Variants in NIT2 observed in about 807,000 individuals in gnomAD.
The protein encoded by NIT2 is nitrilase family member 2, also known as omega-amidase NIT2.
In NIT2, 46 loss-of-function variants were observed where a neutral mutation model predicts 42.7. That is an observed-to-expected ratio of 1.08 (90% CI 0.85 to 1.38). NIT2 has a LOEUF of 1.38. Among genes scored for constraint, NIT2 ranks in the 40% most tolerant of loss-of-function variants. NIT2 has a pLI of 0.00. For missense variants in NIT2, 309 were observed against 342.5 expected (o/e 0.90, Z 0.77); for synonymous variants, 123 against 121.9 (o/e 1.01, Z -0.06).
intron 3 of NIT2, among the ~76,000 whole-genome samples, chr3:100,340,355 C>G (rs1360229888): frequency 2.6e-5 from 4 of 152,102 alleles, no homozygotes; most frequent in Non-Finnish European, 5.9e-5. Flanking sequence ...TGTGAGCCAT[C>G]ATGCCAGGAC....
At chr3:100,354,676 T>A in intron 8 of NIT2, 96 bp from the exon 9 acceptor site, 1 of 814,468 alleles carries the variant, frequency 1.2e-6, no homozygotes. Context: ...TCTCATACTT[T>A]CCCCTTTGGC....
Position 100,343,934 on chromosome 3 carries a change from G to T in NIT2, c.337-1651G>T, listed in dbSNP as rs149608871. The stretch of plus-strand genomic sequence containing the variant: ...TCTTCCAAAAAGTGTTGAATATTTT[G>T]TTTTAACTGATGGTTAACTTGGCCG... On this transcript the variant is annotated intron_variant, in intron 4 of 9. Transcript: ENST00000394140. 9.2e-5 allele frequency among the ~76,000 whole-genome samples: 14 copies of T among 152,300 alleles called. No individual in the cohort carries two copies. The East Asian group carries it at 2.7e-3, about 29-fold the overall frequency.
intron 3 of NIT2, among the ~76,000 whole-genome samples, chr3:100,340,323 T>C (rs1706134758): frequency 6.6e-6 from 1 of 152,084 alleles, no homozygotes; most frequent in Admixed American, 6.6e-5. Context: ...ACCTTGGCCT[T>C]CCAAAGTGCT....
chr3:100,345,784 G>A, intron 5 of NIT2, 106 bp downstream of exon 5: 1 of 721,286 alleles, frequency 1.4e-6, no homozygotes, highest in Non-Finnish European at 2.4e-6. Context: ...CTAACTGAAA[G>A]ACCATAAGTG....
At chr3:100,340,713 T>C (rs1706140123) in intron 3 of NIT2, among the ~76,000 whole-genome samples, 1 of 152,240 alleles carries the variant, frequency 6.6e-6, no homozygotes, top group African/African-American at 2.4e-5. Context: ...CATTTTGCCC[T>C]AATGTTACAG....
chr3:100,354,931 C>A, intron 9 of NIT2, 104 bp downstream of exon 9: 1 of 964,204 alleles, frequency 1.0e-6, no homozygotes, highest in Non-Finnish European at 1.6e-6. Context: ...TTCCTTTATG[C>A]CCCTTCTCAT....
At chr3:100,349,826 T>C (rs1706256167) in intron 7 of NIT2, 1 of 152,204 alleles carries the variant, frequency 6.6e-6, no homozygotes, top group African/African-American at 2.4e-5. Flanking sequence ...TGAGAGGTGG[T>C]GAAGGGCAAA....
chr3:100,345,208 C>G (rs1326844024), intron 4 of NIT2, among the ~76,000 whole-genome samples: 5 of 152,146 alleles, frequency 3.3e-5, no homozygotes, highest in Non-Finnish European at 2.9e-5. Flanking sequence ...ATCCGCCCAC[C>G]TCGGCCTCCC....
intron 1 of NIT2, among the ~76,000 whole-genome samples, chr3:100,335,542 A>T (rs750535667): frequency 5.1e-4 from 77 of 152,344 alleles, no homozygotes; most frequent in Non-Finnish European, 9.8e-4. Flanking sequence ...CAGCATGAGG[A>T]ACTGCCCAGT....
intron 7 of NIT2, among the ~76,000 whole-genome samples, chr3:100,351,611 A>T (rs1327678014): frequency 1.3e-5 from 2 of 152,238 alleles, no homozygotes; most frequent in Non-Finnish European, 2.9e-5. Flanking sequence ...TTAATTCAAG[A>T]TGGATTAAAG....
chr3:100,344,247 C>T (rs969804142), intron 4 of NIT2, among the ~76,000 whole-genome samples: 8 of 152,228 alleles, frequency 5.3e-5, no homozygotes, highest in Admixed American at 5.2e-4. Flanking sequence ...CTGTAAATAG[C>T]ACCAGGAAGT....
chr3:100,354,440 G>A (rs950615310), intron 8 of NIT2, among the ~76,000 whole-genome samples: 2 of 152,172 alleles, frequency 1.3e-5, no homozygotes, highest in African/African-American at 2.4e-5. Flanking sequence ...TCCTGTTGGT[G>A]GTAGGTAGCT....
At chr3:100,352,707 T>A (rs1706287369) in intron 8 of NIT2, among the ~76,000 whole-genome samples, 1 of 152,236 alleles carries the variant, frequency 6.6e-6, no homozygotes, top group African/African-American at 2.4e-5. Context: ...CCTGCTCTCA[T>A]GATCAAGCAC....
At chr3:100,343,751 C>T (rs1161223828) in intron 4 of NIT2, among the ~76,000 whole-genome samples, 5 of 152,064 alleles carry the variant, frequency 3.3e-5, no homozygotes, top group African/African-American at 1.2e-4. Context: ...AAGCAAACAA[C>T]AAGAAAAAAA....
Position 100,339,198 on chromosome 3 carries a change from C to A in NIT2, c.119C>A (p.Ser40Tyr), listed in dbSNP as rs1706116738. Residue 40 changes from serine (S) to tyrosine (Y), a missense_variant, in exon 2 of 10, where the codon TCT becomes TAT. Transcript: ENST00000394140. ...GCAACGCAAGGAGCCAAAATAGTTT[C>A]TTTGCCGGTCAGTATGGGAGCAGCC... ...EAATQGAKIV[S>Y]LPECFNSPYG... The A allele has an allele frequency of 2.5e-6, 4 of 1,605,428 alleles. No individual in the cohort carries two copies. Among genetic ancestry groups the A allele is most frequent in the South Asian group, 1.1e-5 (1 of 90,880 alleles).
intron 7 of NIT2, chr3:100,349,086 C>T: frequency 2.3e-6 from 1 of 444,034 alleles, no homozygotes; most frequent in Admixed American, 3.8e-5. Flanking sequence ...CAATACCAAC[C>T]TCATGGATTT....
In NIT2 at chr3:100,339,952, A is replaced by G. The variant is rs1259103070; in HGVS notation, c.247+17A>G. 1.9e-6 allele frequency: 3 copies of G among 1,608,412 alleles called. No homozygotes were observed. Among genetic ancestry groups the G allele is most frequent in the South Asian group, 1.1e-5 (1 of 89,846 alleles). On this transcript the variant is annotated intron_variant, in intron 3 of 9. Transcript: ENST00000394140. ...TCATTGGAGGTAACTTCCTACCCACAAGGTATAATGACCTAAACATTAGAA... is the reference window on the plus strand; with the variant it reads ...TCATTGGAGGTAACTTCCTACCCACGAGGTATAATGACCTAAACATTAGAA...
At position 100,357,988 on chromosome 3, in the gene NIT2, G is replaced by C. The variant is rs1243865571; in HGVS notation, c.*2720G>C. The C allele has an allele frequency of 6.6e-6, 1 of 152,104 alleles. No individual in the cohort carries two copies. The highest frequency in any genetic ancestry group is 1.9e-4 in the East Asian group (1 of 5,158). 9.4% of individuals were successfully genotyped at this position (152,104 alleles called of 1,614,324 possible). On this transcript the variant is annotated 3_prime_UTR_variant, in exon 10 of 10. Transcript: ENST00000394140. ...AAATGGGGTTTCACCATGTTGGCCA[G>C]TCTGATCTCGAACTCCTGGCCTCAA... is the stretch of plus-strand genomic sequence containing the variant.
rs762057261 is a variant in NIT2 at position 100,346,261 on chromosome 3, G to T, written c.505+6G>T. On this transcript the variant is annotated splice_donor_region_variant and intron_variant, in intron 6 of 9. Transcript: ENST00000394140. ...ACAAATCTACGCACAGAGAGGTGAG[G>T]CAGTGTAATAGCTGTGTTATGTGGG... is the stretch of plus-strand genomic sequence containing the variant. 62 of 1,613,636 alleles carry T rather than the reference G, an allele frequency of 3.8e-5. No individual in the cohort carries two copies. The East Asian group carries it at 1.3e-3, about 35-fold the overall frequency.
Sources: allele counts gnomAD v4.1 joint callset (sites outside exome capture counted in the v4.1 genomes callset), GRCh38; gene constraint gnomAD v4.1.1; transcripts MANE v1.5; gene names NCBI Gene and HGNC (gene_info 2026-07-23, HGNC 2026-07-21).